Variants in FAM117A observed in about 807,000 individuals in gnomAD.
FAM117A encodes protein FAM117A.
FAM117A carries 21 observed loss-of-function variants against 44.1 expected under a neutral mutation model. That is an observed-to-expected ratio of 0.48 (90% confidence interval 0.34 to 0.69). The LOEUF is 0.69. FAM117A is among the 30% of genes least tolerant of loss of function. The pLI, the probability that FAM117A is intolerant of heterozygous loss-of-function variation, is 0.01. For missense variants in FAM117A, 498 were observed against 589.9 expected (o/e 0.84, Z 1.61); for synonymous variants, 220 against 238.3 (o/e 0.92, Z 0.71).
At position 49,720,322 on chromosome 17, in the gene FAM117A, A is replaced by G; in HGVS notation, c.573+4T>C. The G allele has an allele frequency of 1.2e-6, 2 of 1,609,974 alleles. No homozygotes were observed. The highest frequency in any genetic ancestry group is 2.2e-5 in the South Asian group (2 of 90,992). ...AGGGGAGAGGGCTGGGGGAGAAAAC[A>G]TACCCTCAGTGCTCCCCGCACTGCG... On this transcript the variant is annotated splice_donor_region_variant and intron_variant, in intron 4 of 7. Coordinates refer to ENST00000240364, the MANE Select transcript of FAM117A (RefSeq NM_030802.4).
rs1276659937 is a variant in FAM117A at position 49,735,016 on chromosome 17, G to A, written c.197-2296C>T. On this transcript the variant is annotated intron_variant, in intron 1 of 7. Coordinates refer to ENST00000240364, the MANE Select transcript of FAM117A (RefSeq NM_030802.4). ...TACCAAGGGCTTAGGAGGAGGAGGG[G>A]GAGTAGGAGTTATTGTTTAATGGAT... Among the ~76,000 whole-genome samples the A allele has an allele frequency of 2.0e-5, 3 of 152,224 alleles. No individual in the cohort carries two copies. In the East Asian group the frequency reaches 5.8e-4, roughly 29 times the overall value.
At chr17:49,736,413 T>C (rs542194944) in intron 1 of FAM117A, among the ~76,000 whole-genome samples, 12 of 152,166 alleles carry the variant, frequency 7.9e-5, no homozygotes, top group Admixed American at 3.9e-4. Flanking sequence ...CCCACCACCA[T>C]GCCCGGCTAA....
In FAM117A at chr17:49,711,403, G is replaced by T. The variant is rs138923537; in HGVS notation, c.1214C>A (p.Pro405Gln). 1 of 1,613,236 alleles carries T rather than the reference G, an allele frequency of 6.2e-7. No homozygotes were observed. Among genetic ancestry groups the T allele is most frequent in the Non-Finnish European group, 8.5e-7 (1 of 1,179,686 alleles). Residue 405 changes from proline to glutamine, a missense_variant, in exon 8 of 8, where the codon CCG becomes CAG. This residue lies in a region of FAM117A where 224 missense variants were observed against 296.5 expected (regional missense o/e 0.76). Transcript: ENST00000240364. Reference protein sequence around the residue: ...GFIFRNCPSNPGSPLPPASPR... With the variant: ...GFIFRNCPSNQGSPLPPASPR... ...GCTGGCCGGGGGAAGGGGAGATCCCGGGTTTGAGGGGCAGTTACGGAAGAT... is the reference window on the plus strand; with the variant it reads ...GCTGGCCGGGGGAAGGGGAGATCCCTGGTTTGAGGGGCAGTTACGGAAGAT...
rs936996803 is a variant in FAM117A, at chr17:49,720,404, C to T, written c.495G>A (p.Thr165=). The change falls in exon 4 of 8, where the codon ACG becomes ACA. Residue 165 remains threonine (T), a synonymous_variant. Transcript: ENST00000240364. ...ISKLKQQLQR[T]KLSRSGKEKE... ...TCTCTTTCCCACTGCGGCTCAGCTT[C>T]GTCCTCTGCAGTTGTTGCTTCAACT... 11 of 1,613,696 alleles carry T rather than the reference C, an allele frequency of 6.8e-6. No individual in the cohort carries two copies. Among genetic ancestry groups the T allele is most frequent in the Admixed American group, 5.0e-5 (3 of 60,026 alleles).
chr17:49,740,272 G>A (rs1323013008), intron 1 of FAM117A, among the ~76,000 whole-genome samples: 6 of 151,648 alleles, frequency 4.0e-5, no homozygotes, highest in African/African-American at 1.2e-4. Flanking sequence ...TTTTGAGAGG[G>A]AGTCTCACTC....
At chr17:49,769,690 G>A (rs895159134) in intron 1 of FAM117A, among the ~76,000 whole-genome samples, 10 of 151,964 alleles carry the variant, frequency 6.6e-5, no homozygotes, top group Non-Finnish European at 5.9e-5. Flanking sequence ...GGGCGACAGA[G>A]CGAAACTCCG....
chr17:49,763,878 C>T lies in FAM117A; in HGVS notation c.196+14G>A. 1 of 1,229,210 alleles carries T rather than the reference C, an allele frequency of 8.1e-7. No homozygotes were observed. Among genetic ancestry groups the T allele is most frequent in the Non-Finnish European group, 1.0e-6 (1 of 986,006 alleles). 76.1% of individuals were successfully genotyped at this position (1,229,210 alleles called of 1,614,324 possible). ...ATGGCTCCTTCCACGGCACCCGCTC[C>T]AGGCCCGGCTCACCTGCACGGCCAC... On this transcript the variant is annotated intron_variant, in intron 1 of 7. Transcript: ENST00000240364.
chr17:49,718,392 G>A (rs1249903191), intron 5 of FAM117A, among the ~76,000 whole-genome samples: 2 of 152,164 alleles, frequency 1.3e-5, no homozygotes, highest in Non-Finnish European at 2.9e-5. Context: ...AGGCCAGCTG[G>A]GCGCAGTGGC....
chr17:49,715,815 TCTCG>T, intron 7 of FAM117A, among the ~76,000 whole-genome samples: 1 of 152,114 alleles, frequency 6.6e-6, no homozygotes, highest in Non-Finnish European at 1.5e-5. Flanking sequence ...CATCTCTCGC[TCTCG>T]CTCTCTCTCT....
chr17:49,713,634 G>A (rs2073488363), intron 7 of FAM117A, among the ~76,000 whole-genome samples: 1 of 151,624 alleles, frequency 6.6e-6, no homozygotes, highest in African/African-American at 2.4e-5. Flanking sequence ...AGCCTCCTCA[G>A]TAGCTAGGAT....
chr17:49,714,237 T>C (rs1278648591), intron 7 of FAM117A, among the ~76,000 whole-genome samples: 1 of 151,782 alleles, frequency 6.6e-6, no homozygotes, highest in Non-Finnish European at 1.5e-5. Flanking sequence ...CACACAAACT[T>C]CCCAATAGGA....
At chr17:49,715,821 T>G (rs2073499939) in intron 7 of FAM117A, among the ~76,000 whole-genome samples, 1 of 151,514 alleles carries the variant, frequency 6.6e-6, no homozygotes, top group Admixed American at 6.6e-5. Flanking sequence ...TCGCTCTCGC[T>G]CTCTCTCTCT....
intron 3 of FAM117A, among the ~76,000 whole-genome samples, 192 bp from the exon 4 acceptor site, chr17:49,720,628 A>T (rs955512384): frequency 6.6e-6 from 1 of 152,186 alleles, no homozygotes; most frequent in East Asian, 1.9e-4. Context: ...CGAGTTGGAT[A>T]CCTCACTTAA....
chr17:49,717,729 C>G lies in FAM117A; in HGVS notation c.709-15G>C, dbSNP rs201150618. 1.0e-5 allele frequency: 16 copies of G among 1,579,834 alleles called. 1 individual carries two copies. In the Middle Eastern group the frequency reaches 5.1e-4, roughly 50 times the overall value. On this transcript the variant is annotated splice_polypyrimidine_tract_variant and intron_variant, in intron 5 of 7. Transcript: ENST00000240364. ...ATATCAAGGATCTAACGGGGAAGGA[C>G]GGTAAAGACTGTCAGCCCTGAGTAT... is the stretch of plus-strand genomic sequence containing the variant.
chr17:49,773,201 A>C (rs750797744), intron 1 of FAM117A: 2 of 152,396 alleles, frequency 1.3e-5, no homozygotes, highest in African/African-American at 2.4e-5. Flanking sequence ...GCTACCTGGG[A>C]GGCTGAGGCA....
chr17:49,777,816 C>T (rs568122438), intron 1 of FAM117A, among the ~76,000 whole-genome samples: 6 of 152,236 alleles, frequency 3.9e-5, no homozygotes, highest in African/African-American at 1.2e-4. Context: ...ATTTTTACTT[C>T]TGATTGAAGG....
chr17:49,733,014 G>A (rs762145190), intron 1 of FAM117A: 13 of 340,720 alleles, frequency 3.8e-5, no homozygotes, highest in African/African-American at 1.4e-4. Flanking sequence ...ACTATGAACC[G>A]TGAACTCCTA....
intron 1 of FAM117A, among the ~76,000 whole-genome samples, chr17:49,740,465 G>A (rs531540185): frequency 6.6e-6 from 1 of 152,292 alleles, no homozygotes; most frequent in East Asian, 1.9e-4. Flanking sequence ...TAGCCAGGAT[G>A]GTCTTGATCT....
chr17:49,759,376 C>T (rs1249349709), intron 1 of FAM117A, among the ~76,000 whole-genome samples: 1 of 152,142 alleles, frequency 6.6e-6, no homozygotes, highest in Admixed American at 6.5e-5. Flanking sequence ...ATTTTGCTGA[C>T]CATGTATGTG....
Sources: allele counts gnomAD v4.1 joint callset (sites outside exome capture counted in the v4.1 genomes callset), GRCh38; gene constraint gnomAD v4.1.1; regional missense constraint gnomAD v4.1.1; transcripts MANE v1.5; gene names NCBI Gene and HGNC (gene_info 2026-07-23, HGNC 2026-07-21).